The following MCTP1 variants were observed in gnomAD, a reference collection of about 807,000 sequenced individuals.
MCTP1 encodes multiple C2 and transmembrane domain containing 1, also known as multiple C2 and transmembrane domain-containing protein 1.
MCTP1 carries 69 observed loss-of-function variants against 120.6 expected under a neutral mutation model. The observed-to-expected ratio is 0.57, with a 90% confidence interval of 0.47 to 0.70. MCTP1 has a LOEUF of 0.70. Among genes scored for constraint, MCTP1 ranks in the 30% least tolerant of loss-of-function variants. MCTP1 has a pLI of 0.00. For missense variants in MCTP1, 1,203 were observed against 1,248.8 expected, an observed-to-expected ratio of 0.96 and a Z score of 0.55; for synonymous variants, 529 against 493.1, an observed-to-expected ratio of 1.07 and a Z score of -0.96.
intron 6 of MCTP1, among the ~76,000 whole-genome samples, chr5:94,927,045 G>A (rs1813319792): frequency 1.3e-5 from 2 of 152,082 alleles, no homozygotes; most frequent in South Asian, 4.1e-4. Flanking sequence ...GCAAATCCCT[G>A]TAGCTATGAA....
intron 18 of MCTP1, chr5:94,793,451 C>T (rs910063055): frequency 2.0e-5 from 3 of 152,018 alleles, no homozygotes; most frequent in Non-Finnish European, 4.4e-5. Context: ...GAAATAAGCA[C>T]GAAGAAGAAA....
chr5:94,790,931 G>T (rs1173698237), intron 18 of MCTP1, among the ~76,000 whole-genome samples: 1 of 151,892 alleles, frequency 6.6e-6, no homozygotes. Context: ...ACCAGAAAGG[G>T]ACCCAAAAAT....
At chr5:95,139,443 A>G (rs1174219637) in intron 1 of MCTP1, among the ~76,000 whole-genome samples, 1 of 152,248 alleles carries the variant, frequency 6.6e-6, no homozygotes, top group Non-Finnish European at 1.5e-5. Flanking sequence ...TGCAGGTGAG[A>G]GCAAGATTTG....
At chr5:95,238,686 C>G (rs1367926759) in intron 1 of MCTP1, among the ~76,000 whole-genome samples, 10 of 152,140 alleles carry the variant, frequency 6.6e-5, no homozygotes, top group Admixed American at 6.5e-4. Flanking sequence ...AATGCATGAT[C>G]ACTAGTCGCC....
At chr5:94,778,405 C>G (rs2152932796) in intron 19 of MCTP1, among the ~76,000 whole-genome samples, 1 of 152,140 alleles carries the variant, frequency 6.6e-6, no homozygotes, top group Non-Finnish European at 1.5e-5. Context: ...GCAGTAGTTC[C>G]AACCCCAGCC....
At chr5:94,932,449 C>T (rs1363906648) in intron 5 of MCTP1, among the ~76,000 whole-genome samples, 1 of 152,064 alleles carries the variant, frequency 6.6e-6, no homozygotes, top group African/African-American at 2.4e-5. Flanking sequence ...ACATCAGGGC[C>T]TACAAATGCT....
chr5:95,239,218 G>A (rs935235537), intron 1 of MCTP1, among the ~76,000 whole-genome samples: 5 of 152,132 alleles, frequency 3.3e-5, no homozygotes, highest in African/African-American at 1.2e-4. Context: ...TCCTGAAGAC[G>A]CGCAGAAACA....
intron 1 of MCTP1, among the ~76,000 whole-genome samples, chr5:95,261,404 C>T (rs1758459874): frequency 6.6e-6 from 1 of 152,216 alleles, no homozygotes; most frequent in Non-Finnish European, 1.5e-5. Flanking sequence ...ATTCCTCCCA[C>T]ATTAGCATTT....
intron 1 of MCTP1, among the ~76,000 whole-genome samples, chr5:95,209,900 A>T (rs528489575): frequency 6.6e-6 from 1 of 152,250 alleles, no homozygotes; most frequent in East Asian, 1.9e-4. Flanking sequence ...TCAAAGAACA[A>T]CTTTATTTCT....
At chr5:94,780,305 T>C (rs750633607) in intron 18 of MCTP1, among the ~76,000 whole-genome samples, 1 of 151,978 alleles carries the variant, frequency 6.6e-6, no homozygotes, top group African/African-American at 2.4e-5. Flanking sequence ...ATTCTATTGG[T>C]GTACACTTTA....
At chr5:94,755,214 A>G (rs1769481478) in intron 19 of MCTP1, among the ~76,000 whole-genome samples, 1 of 152,122 alleles carries the variant, frequency 6.6e-6, no homozygotes, top group African/African-American at 2.4e-5. Context: ...TGTGCTCCTC[A>G]CCGGGAGGAT....
chr5:95,276,838 G>T (rs1759885683), intron 1 of MCTP1, among the ~76,000 whole-genome samples: 1 of 151,836 alleles, frequency 6.6e-6, no homozygotes, highest in African/African-American at 2.4e-5. Flanking sequence ...TGCAGTCTCA[G>T]CTACTCGGGA....
intron 1 of MCTP1, among the ~76,000 whole-genome samples, chr5:95,235,938 T>C (rs1755497085): frequency 6.6e-6 from 1 of 152,210 alleles, no homozygotes; most frequent in Non-Finnish European, 1.5e-5. Context: ...GTCACTAAGT[T>C]TAATAATTAA....
intron 17 of MCTP1, among the ~76,000 whole-genome samples, chr5:94,864,559 C>G (rs1345604780): frequency 6.6e-6 from 1 of 151,838 alleles, no homozygotes; most frequent in East Asian, 1.9e-4. Flanking sequence ...TCATGTAGCA[C>G]TAGCGCTCCG....
At chr5:94,741,964 C>A (rs1186334427) in intron 19 of MCTP1, among the ~76,000 whole-genome samples, 3 of 152,176 alleles carry the variant, frequency 2.0e-5, no homozygotes, top group Non-Finnish European at 4.4e-5. Context: ...AGTTAAAATG[C>A]TTAACCCAGT....
chr5:94,968,563 T>C (rs1220280155), intron 2 of MCTP1, among the ~76,000 whole-genome samples: 1 of 152,236 alleles, frequency 6.6e-6, no homozygotes, highest in Non-Finnish European at 1.5e-5. Context: ...TAATATGTGG[T>C]ATGTGGTTAA....
intron 6 of MCTP1, chr5:94,931,641 T>A (rs990332322): frequency 3.6e-6 from 1 of 276,980 alleles, no homozygotes; most frequent in East Asian, 6.3e-5. Flanking sequence ...GAGTTGTCCC[T>A]CCCCTAGCCT....
intron 1 of MCTP1, among the ~76,000 whole-genome samples, chr5:95,203,518 G>A (rs13179398): frequency 0.2 from 30,149 of 152,096 alleles, 3,155 homozygotes; most frequent in Non-Finnish European, 0.23. Flanking sequence ...ACTGTTTCAT[G>A]TTGTATTATT....
chr5:95,210,033 G>C (rs1047927208), intron 1 of MCTP1, among the ~76,000 whole-genome samples: 1 of 152,196 alleles, frequency 6.6e-6, no homozygotes, highest in African/African-American at 2.4e-5. Context: ...TGTGGTCTGA[G>C]AGATAGTTTG....
Sources: gnomAD v4.1 joint callset for allele counts (sites outside exome capture counted in the v4.1 genomes callset) on GRCh38, gnomAD v4.1.1 for gene constraint, MANE v1.5 for transcripts, NCBI Gene and HGNC (gene_info 2026-07-23, HGNC 2026-07-21) for gene names.